TAB1: variants seen among roughly 807,000 people sequenced by gnomAD.
The protein encoded by TAB1 is TGF-beta activated kinase 1 (MAP3K7) binding protein 1, also known as TGF-beta-activated kinase 1 and MAP3K7-binding protein 1.
In TAB1, 30 loss-of-function variants were observed where a neutral mutation model predicts 54.5. The observed-to-expected ratio is 0.55, with a 90% confidence interval of 0.41 to 0.75. The LOEUF is 0.75. TAB1 is among the 30% of genes least tolerant of loss of function. The pLI, the probability that TAB1 is intolerant of heterozygous loss-of-function variation, is 0.00. For synonymous variants in TAB1, 289 were observed against 286.9 expected, an observed-to-expected ratio of 1.01 and a Z score of -0.07; for missense variants, 609 against 683.2, an observed-to-expected ratio of 0.89 and a Z score of 1.21.
intron 1 of TAB1, among the ~76,000 whole-genome samples, chr22:39,403,694 A>G (rs550905305): frequency 6.8e-6 from 1 of 146,580 alleles, no homozygotes; most frequent in African/African-American, 2.5e-5. Flanking sequence ...GCTGGAGTGC[A>G]GTGGCGCAAT....
intron 10 of TAB1, among the ~76,000 whole-genome samples, chr22:39,428,564 T>G (rs1359457779): frequency 6.6e-6 from 1 of 152,154 alleles, no homozygotes; most frequent in Non-Finnish European, 1.5e-5. Context: ...TGTGCTTGAT[T>G]TTAGCTTTGA....
chr22:39,415,408 T>G lies in TAB1; in HGVS notation c.171-92T>G. On this transcript the variant is annotated intron_variant, in intron 2 of 10. Transcript: ENST00000216160. The surrounding 1 kb of genome is among the most constrained non-coding windows in gnomAD (Gnocchi z 4.9). ...AGGGCCCCTGAAGCTGCAGCTGCTG[T>G]CGCTTTAGTCTCCCCCAATTCCTTT... is the stretch of plus-strand genomic sequence containing the variant. The G allele has an allele frequency of 6.8e-7, 1 of 1,469,504 alleles. No homozygotes were observed. The allele number at this position is 1,469,504 out of a possible 1,614,324, so 91.0% of individuals were successfully genotyped here.
intron 1 of TAB1, among the ~76,000 whole-genome samples, chr22:39,406,701 C>T (rs1043874125): frequency 1.3e-4 from 19 of 151,980 alleles, no homozygotes; most frequent in Admixed American, 1.3e-4. Flanking sequence ...GGCGCCATCT[C>T]GGCTCACTGC....
chr22:39,430,634 C>G lies in TAB1; in HGVS notation c.*412C>G. On this transcript the variant is annotated 3_prime_UTR_variant, in exon 11 of 11. Coordinates refer to ENST00000216160, the MANE Select transcript of TAB1 (RefSeq NM_006116.3). ...CCAAGCCCACCCCTCCTCCCACCAT[C>G]ACCTCCCTCACCTCGGGACAGTAGC... 1 of 1,075,500 alleles carries G rather than the reference C, an allele frequency of 9.3e-7. No individual in the cohort carries two copies. Among genetic ancestry groups the G allele is most frequent in the South Asian group, 2.8e-5 (1 of 36,270 alleles). The allele number at this position is 1,075,500 out of a possible 1,614,324, so 66.6% of individuals were successfully genotyped here. A position where few individuals can be genotyped will look rare whatever the true frequency, so the allele number is the denominator to read the frequency against.
downstream of TAB1, chr22:39,436,987 G>A (rs887721539): frequency 3.5e-5 from 6 of 170,888 alleles, no homozygotes; most frequent in East Asian, 8.2e-4. Flanking sequence ...GGTGTGGCCC[G>A]AGATGTGGGT....
At chr22:39,429,413 G>T in intron 10 of TAB1, 1 of 965,110 alleles carries the variant, frequency 1.0e-6, no homozygotes, top group Non-Finnish European at 1.2e-6. Flanking sequence ...GCTCGCGTGG[G>T]TGCTGTCCTG....
At chr22:39,402,153 A>G (rs1346037337) in intron 1 of TAB1, among the ~76,000 whole-genome samples, 2 of 152,018 alleles carry the variant, frequency 1.3e-5, no homozygotes, top group African/African-American at 2.4e-5. Flanking sequence ...GAGGATGTGT[A>G]TGTGTGTTTT....
intron 1 of TAB1, among the ~76,000 whole-genome samples, chr22:39,405,309 G>A (rs1926313778): frequency 6.6e-6 from 1 of 152,176 alleles, no homozygotes; most frequent in Non-Finnish European, 1.5e-5. Context: ...TTTTCATACC[G>A]AAACATTAAT....
chr22:39,432,981 G>T (rs1927644208), downstream of TAB1: 1 of 985,454 alleles, frequency 1.0e-6, no homozygotes, highest in South Asian at 4.7e-5. Flanking sequence ...AAGCTGTGCA[G>T]CCCTGGTGGG....
chr22:39,412,977 C>CA (rs1926671750), intron 1 of TAB1, among the ~76,000 whole-genome samples: 1 of 143,986 alleles, frequency 6.9e-6, no homozygotes, highest in Admixed American at 7.2e-5. Context: ...TGCAGTTGCA[C>CA]GATCTCGGCT....
chr22:39,418,924 C>T (rs949318258), intron 6 of TAB1, 79 bp downstream of exon 6: 11 of 1,187,876 alleles, frequency 9.3e-6, no homozygotes, highest in Non-Finnish European at 1.2e-5. Context: ...GGTAGAGAGG[C>T]GTGTGGTAGA....
In TAB1 at chr22:39,413,078, C is replaced by T. The variant is rs993220179; in HGVS notation, c.34-1928C>T. Among the ~76,000 whole-genome samples, 10 of 151,820 alleles carry T rather than the reference C, an allele frequency of 6.6e-5. No individual in the cohort carries two copies. The South Asian group carries it at 2.1e-3, about 31-fold the overall frequency. Reference sequence around the variant, plus strand: ...TACAGGCGCCCGCCACCACACCCGGCTAGTTTTTTGTATTTTTAGTAGAGA... The same window carrying T: ...TACAGGCGCCCGCCACCACACCCGGTTAGTTTTTTGTATTTTTAGTAGAGA... On this transcript the variant is annotated intron_variant, in intron 1 of 10. Transcript: ENST00000216160.
At chr22:39,422,763 C>T (rs1247744621) in intron 8 of TAB1, among the ~76,000 whole-genome samples, 1 of 152,112 alleles carries the variant, frequency 6.6e-6, no homozygotes, top group Non-Finnish European at 1.5e-5. Context: ...TGAGGTTAGG[C>T]GTGGTAGACA....
intron 1 of TAB1, among the ~76,000 whole-genome samples, chr22:39,401,442 A>G (rs1356743170): frequency 6.6e-6 from 1 of 152,232 alleles, no homozygotes; most frequent in Non-Finnish European, 1.5e-5. Flanking sequence ...AGGTCCCTGT[A>G]TAACTGTCCC....
intron 6 of TAB1, 33 bp from the exon 7 acceptor site, chr22:39,419,486 G>A (rs964103143): frequency 1.8e-5 from 28 of 1,523,162 alleles, no homozygotes; most frequent in Non-Finnish European, 2.2e-5. Context: ...TTGTGAACAA[G>A]AAGCAGGATT....
chr22:39,423,610 A>G (rs1030695524), intron 8 of TAB1, among the ~76,000 whole-genome samples: 3 of 152,162 alleles, frequency 2.0e-5, no homozygotes, highest in African/African-American at 7.2e-5. Flanking sequence ...GTCTCAATCA[A>G]TCAATCAATA....
At chr22:39,410,444 GTTAAAT>G (rs960130139) in intron 1 of TAB1, among the ~76,000 whole-genome samples, 10 of 151,506 alleles carry the variant, frequency 6.6e-5, no homozygotes, top group African/African-American at 2.4e-4. Context: ...TACTGAAAGT[GTTAAAT>G]TTAAGCCTGG....
chr22:39,415,760 C>T lies in TAB1; in HGVS notation c.324+107C>T, dbSNP rs555204935. 56 of 1,421,014 alleles carry T rather than the reference C, an allele frequency of 3.9e-5. No individual in the cohort carries two copies. Among genetic ancestry groups the T allele is most frequent in the East Asian group, 2.0e-4 (8 of 40,164 alleles). The allele number at this position is 1,421,014 out of a possible 1,614,324, so 88.0% of individuals were successfully genotyped here. On this transcript the variant is annotated intron_variant, in intron 3 of 10. Coordinates refer to ENST00000216160, the MANE Select transcript of TAB1 (RefSeq NM_006116.3). The surrounding 1 kb of genome is among the most constrained non-coding windows in gnomAD (Gnocchi z 4.9). Reference sequence around the variant, plus strand: ...GCCAGGGTTGGTGTGAAGATCCTGCCGGCCCCTTCACCCCAGTAGAGGAGC... The same window carrying T: ...GCCAGGGTTGGTGTGAAGATCCTGCTGGCCCCTTCACCCCAGTAGAGGAGC...
intron 8 of TAB1, among the ~76,000 whole-genome samples, chr22:39,423,746 C>G (rs1214434026): frequency 6.6e-6 from 1 of 151,014 alleles, no homozygotes; most frequent in East Asian, 2.1e-4. Context: ...CTTAGTAAAC[C>G]AGTTATTCCA....
Sources: gnomAD v4.1 joint callset for allele counts (sites outside exome capture counted in the v4.1 genomes callset) on GRCh38, gnomAD v4.1.1 for gene constraint, Gnocchi (gnomAD v3.1) non-coding constraint, MANE v1.5 for transcripts, NCBI Gene and HGNC (gene_info 2026-07-23, HGNC 2026-07-21) for gene names.